The following PLEKHN1 variants were observed in gnomAD, a reference collection of about 807,000 sequenced individuals.
PLEKHN1 encodes the protein pleckstrin homology domain-containing family N member 1.
PLEKHN1 carries 68 observed loss-of-function variants against 72.8 expected under a neutral mutation model. That is an observed-to-expected ratio of 0.93 (90% confidence interval 0.77 to 1.14). The LOEUF is 1.14. Ranked by LOEUF, PLEKHN1 falls within the 50% of genes most tolerant of loss-of-function variation. The probability of loss-of-function intolerance (pLI) is 0.00; values close to 1 mark genes in which losing one functional copy is unlikely to be tolerated. For synonymous variants in PLEKHN1, 454 were observed against 371.6 expected (o/e 1.22, Z -2.55); for missense variants, 1,015 against 840.5 (o/e 1.21, Z -2.57).
intron 2 of PLEKHN1, among the ~76,000 whole-genome samples, chr1:969,680 G>A (rs957609224): frequency 6.6e-6 from 1 of 152,026 alleles, no homozygotes; most frequent in Non-Finnish European, 1.5e-5. Flanking sequence ...GTGCGTGTGT[G>A]TACATGTGTG....
rs1287559287 is a variant in PLEKHN1 at position 972,167 on chromosome 1, G to T, written c.865+17G>T. 6.2e-7 allele frequency: 1 copy of T among 1,612,070 alleles called. No homozygotes were observed. Among genetic ancestry groups the T allele is most frequent in the Non-Finnish European group, 8.5e-7 (1 of 1,179,366 alleles). On this transcript the variant is annotated intron_variant, in intron 9 of 15. Transcript: ENST00000379410. ...TGATTGAAGGTAGGGCCCTGACCCT[G>T]GTTCTGCCTCCCGCCTGGCCAGGCC...
At position 970,011 on chromosome 1, in the gene PLEKHN1, G is replaced by C. The variant is rs200598357; in HGVS notation, c.184-266G>C. Among the ~76,000 whole-genome samples the C allele has an allele frequency of 6.6e-6, 1 of 151,826 alleles. No homozygotes were observed. Among genetic ancestry groups the C allele is most frequent in the Non-Finnish European group, 1.5e-5 (1 of 67,890 alleles). ...CTTCACGTATGTGTTGTGTGGCTGTGCACAGGTTCTGTGCCTGTGGGGGGC... is the reference window on the plus strand; with the variant it reads ...CTTCACGTATGTGTTGTGTGGCTGTCCACAGGTTCTGTGCCTGTGGGGGGC... On this transcript the variant is annotated intron_variant, in intron 2 of 15. Coordinates refer to ENST00000379410, the MANE Select transcript of PLEKHN1 (RefSeq NM_032129.3). The surrounding 1 kb of genome is among the most constrained non-coding windows in gnomAD (Gnocchi z 4.2).
chr1:972,287 G>A lies in PLEKHN1; in HGVS notation c.866-1G>A. 1 of 1,610,574 alleles carries A rather than the reference G, an allele frequency of 6.2e-7. No homozygotes were observed. ...AGCCCCTCACAGCATCTGTATGCCA[G>A]GCCCCCTCATCAACACCATCCGCGT... On this transcript the variant is annotated splice_acceptor_variant, in intron 9 of 15. Coordinates refer to ENST00000379410, the MANE Select transcript of PLEKHN1 (RefSeq NM_032129.3). LOFTEE classifies it high-confidence loss of function.
At chr1:971,712 G>A (rs997591760) in intron 8 of PLEKHN1, among the ~76,000 whole-genome samples, 1 of 152,202 alleles carries the variant, frequency 6.6e-6, no homozygotes, top group Non-Finnish European at 1.5e-5. Context: ...ACACGTGCGT[G>A]TGCGTGTGTC....
intron 12 of PLEKHN1, 30 bp downstream of exon 12, chr1:973,356 G>A: frequency 6.4e-7 from 1 of 1,556,004 alleles, no homozygotes; most frequent in Non-Finnish European, 8.7e-7. Context: ...ACAGCCCCTG[G>A]CCTGGTTCCC....
chr1:966,522 G>A lies in PLEKHN1; in HGVS notation c.-10G>A, dbSNP rs770620817. 21 of 1,597,352 alleles carry A rather than the reference G, an allele frequency of 1.3e-5. No individual in the cohort carries two copies. The highest frequency in any genetic ancestry group is 1.7e-4 in the Middle Eastern group (1 of 6,038). On this transcript the variant is annotated 5_prime_UTR_variant, in exon 1 of 16. Coordinates refer to ENST00000379410, the MANE Select transcript of PLEKHN1 (RefSeq NM_032129.3). ...GGGACCCAGACTTGCCGACCTGTAC[G>A]ACTCTGGCCATGGGGAACAGCCACT...
Position 970,582 on chromosome 1 carries a change from C to A in PLEKHN1, c.392C>A (p.Ser131Ter), listed in dbSNP as rs577334355. The change falls in exon 4 of 16, where the codon TCG (serine) becomes TAG (stop). Residue 131 changes from serine to a stop codon, truncating the protein, a stop_gained. Coordinates refer to ENST00000379410, the MANE Select transcript of PLEKHN1 (RefSeq NM_032129.3). LOFTEE classifies it high-confidence loss of function. This position sits in a 1 kb window ranked among gnomAD's most constrained non-coding sequence, Gnocchi z 4.2. Reference sequence around the variant, plus strand: ...CACCTGTACTTCCAGGCCCACGGCTCGGAAGGACTCACATTTCAGGTGAGG... The same window carrying A: ...CACCTGTACTTCCAGGCCCACGGCTAGGAAGGACTCACATTTCAGGTGAGG... ...PAHLYFQAHG[S>*]EGLTFQGLLP... 51 of 1,612,704 alleles carry A rather than the reference C, an allele frequency of 3.2e-5. No homozygotes were observed. The highest frequency in any genetic ancestry group is 4.2e-5 in the Non-Finnish European group (49 of 1,179,902).
chr1:970,377 A>G lies in PLEKHN1; in HGVS notation c.284A>G (p.Lys95Arg). ...RRRVPVRNLGKVVHYAKVQLR... is the reference protein window; with the variant it reads ...RRRVPVRNLGRVVHYAKVQLR... ...AGGGTGCCTGTGAGGAACCTGGGAA[A>G]AGTTGTGCATTACGCCAAGGTCCAG... is the stretch of plus-strand genomic sequence containing the variant. Residue 95 changes from lysine to arginine, a missense_variant, in exon 3 of 16, where the codon AAA becomes AGA. Coordinates refer to ENST00000379410, the MANE Select transcript of PLEKHN1 (RefSeq NM_032129.3). This position sits in a 1 kb window ranked among gnomAD's most constrained non-coding sequence, Gnocchi z 4.2. The G allele has an allele frequency of 6.2e-7, 1 of 1,613,450 alleles. No individual in the cohort carries two copies. Among genetic ancestry groups the G allele is most frequent in the Non-Finnish European group, 8.5e-7 (1 of 1,179,906 alleles).
At chr1:971,967 C>T (rs984377884) in intron 8 of PLEKHN1, 108 bp from the exon 9 acceptor site, 1 of 1,108,574 alleles carries the variant, frequency 9.0e-7, no homozygotes, top group Non-Finnish European at 1.3e-6. Flanking sequence ...CGGTGCCCAG[C>T]TCTCCAAGTA....
At position 974,495 on chromosome 1, in the gene PLEKHN1, G is replaced by T. The variant is rs148853412; in HGVS notation, c.1756G>T (p.Glu586Ter). ...CCCCGGCTACGACCACCTCTGGGACGAGACTTTGTCTTCCTCCCACCAGAA... is the reference window on the plus strand; with the variant it reads ...CCCCGGCTACGACCACCTCTGGGACTAGACTTTGTCTTCCTCCCACCAGAA... Reference protein sequence around the residue: ...RDPGYDHLWDETLSSSHQKCP... With the variant: ...RDPGYDHLWD Residue 586 changes from glutamate (E) to a stop codon, truncating the protein, a stop_gained, in exon 16 of 16, where the codon GAG (glutamate) becomes TAG (stop). Coordinates refer to ENST00000379410, the MANE Select transcript of PLEKHN1 (RefSeq NM_032129.3). LOFTEE classifies it low-confidence loss of function (END_TRUNC). 2.5e-6 allele frequency: 4 copies of T among 1,612,692 alleles called. No individual in the cohort carries two copies. The highest frequency in any genetic ancestry group is 1.7e-6 in the Non-Finnish European group (2 of 1,179,916).
rs376398580 is a variant in PLEKHN1 at position 970,739 on chromosome 1, G to A, written c.465G>A (p.Glu155=). ...LSVCPLEGSR[E]HAFQITGPLP... is the part of the protein sequence containing the mutation. ...TCTGCCCGCTCGAGGGGTCCCGAGA[G>A]CACGCCTTCCAGATCACAGGTGTTT... Residue 155 remains glutamate, a synonymous_variant, in exon 5 of 16, where the codon GAG becomes GAA. Coordinates refer to ENST00000379410, the MANE Select transcript of PLEKHN1 (RefSeq NM_032129.3). This position sits in a 1 kb window ranked among gnomAD's most constrained non-coding sequence, Gnocchi z 4.2. The A allele has an allele frequency of 8.7e-6, 14 of 1,609,476 alleles. No homozygotes were observed. The highest frequency in any genetic ancestry group is 1.3e-5 in the African/African-American group (1 of 74,988).
rs1292154022 is a variant in PLEKHN1, at chr1:971,209, G to GT, written c.708+2dup. On this transcript the variant is annotated splice_donor_variant, in intron 7 of 15. Transcript: ENST00000379410. LOFTEE classifies it high-confidence loss of function. ...CAAGCTGCAGCACCTGCCCGCACAG[G>GT]TGGGTGGGAGGTGCGTGGGGCTGTA... The GT allele has an allele frequency of 6.4e-7, 1 of 1,573,318 alleles. No individual in the cohort carries two copies. Among genetic ancestry groups the GT allele is most frequent in the African/African-American group, 1.3e-5 (1 of 74,136 alleles).
intron 8 of PLEKHN1, 70 bp from the exon 9 acceptor site, chr1:972,005 G>T: frequency 2.1e-6 from 3 of 1,437,128 alleles, no homozygotes; most frequent in Non-Finnish European, 2.9e-6. Flanking sequence ...GGGCAAGAGG[G>T]TGGGATGAGG....
At chr1:969,871 G>A (rs190047878) in intron 2 of PLEKHN1, among the ~76,000 whole-genome samples, 266 of 152,312 alleles carry the variant, frequency 1.7e-3, no homozygotes, top group African/African-American at 4.4e-3. Context: ...GTGCGTGTAC[G>A]TGTACACGAA....
chr1:966,665 T>C (rs1451964872), intron 1 of PLEKHN1, 39 bp from the exon 2 acceptor site: 13 of 1,584,140 alleles, frequency 8.2e-6, no homozygotes, highest in Non-Finnish European at 1.1e-5. Context: ...CCCCACCCGC[T>C]CCGGGGCCAA....
In PLEKHN1 at chr1:970,667, C is replaced by T; in HGVS notation, c.412-19C>T. ...CCCTCCATGGATCCCTGAAGCTCCT[C>T]CTACCCTGTGCCTGGCAGGGGCTGT... On this transcript the variant is annotated intron_variant, in intron 4 of 15. Transcript: ENST00000379410. The surrounding 1 kb of genome is among the most constrained non-coding windows in gnomAD (Gnocchi z 4.2). 6.3e-7 allele frequency: 1 copy of T among 1,598,718 alleles called. No individual in the cohort carries two copies. The highest frequency in any genetic ancestry group is 2.2e-5 in the East Asian group (1 of 44,678).
intron 8 of PLEKHN1, 182 bp downstream of exon 8, chr1:971,586 G>A (rs532637038): frequency 4.6e-5 from 29 of 635,898 alleles, no homozygotes; most frequent in African/African-American, 3.3e-4. Flanking sequence ...GCCCCTGCCC[G>A]CCCTGAGGTT....
chr1:973,537 CT>C lies in PLEKHN1; in HGVS notation c.1332del (p.Asp445ThrfsTer122), dbSNP rs1010083191. 11 of 1,613,194 alleles carry C rather than the reference CT, an allele frequency of 6.8e-6. No homozygotes were observed. Among genetic ancestry groups the C allele is most frequent in the African/African-American group, 2.7e-5 (2 of 74,924 alleles). On this transcript the variant is annotated frameshift_variant, in exon 13 of 16. Transcript: ENST00000379410. LOFTEE classifies it high-confidence loss of function. ...AGCCTGGAGAGCAGCCCAGATGCCC[CT>C]GACCACACTTCGGAAACATCACACT... Reference protein sequence around the residue: ...RLSLESSPDAPDHTSETSHSP... With the variant: ...RLSLESSPDAXDHTSETSHSP...
intron 10 of PLEKHN1, 121 bp downstream of exon 10, chr1:972,545 C>A (rs1643394685): frequency 8.0e-7 from 1 of 1,254,006 alleles, no homozygotes; most frequent in African/African-American, 1.5e-5. Flanking sequence ...GCGGGCGGAT[C>A]ATTTGAGGTC....
Sources: allele counts gnomAD v4.1 joint callset (sites outside exome capture counted in the v4.1 genomes callset), GRCh38; gene constraint gnomAD v4.1.1; non-coding constraint Gnocchi (gnomAD v3.1); transcripts MANE v1.5; gene names NCBI Gene and HGNC (gene_info 2026-07-23, HGNC 2026-07-21).